The following WDFY3 variants were observed in gnomAD, a reference collection of about 807,000 sequenced individuals.
WDFY3 encodes the protein WD repeat and FYVE domain-containing protein 3.
Under a neutral mutation model 409.6 loss-of-function variants are expected in WDFY3, and 66 were observed. The ratio of observed to expected loss-of-function variants is 0.16; its 90% confidence interval spans 0.13 to 0.20. The LOEUF is 0.20. Among genes scored for constraint, WDFY3 ranks in the 10% least tolerant of loss-of-function variants. WDFY3 has a pLI of 1.00. For synonymous variants in WDFY3, 1,521 were observed against 1,537.1 expected (o/e 0.99, Z 0.25); for missense variants, 3,031 against 4,298.1 (o/e 0.71, Z 8.24).
chr4:84,899,622 C>T (rs752200917), intron 2 of WDFY3, among the ~76,000 whole-genome samples: 2 of 152,148 alleles, frequency 1.3e-5, no homozygotes, highest in Non-Finnish European at 2.9e-5. Flanking sequence ...CATTTACTTA[C>T]GTATTGTCTA....
In WDFY3 at chr4:84,690,123, C is replaced by CA. The variant is rs1729009143; in HGVS notation, c.9363+382dup. ...TATGACAAATGAGAAAAGAGAGAAACAAAAAATAAAGAATTTAGTGGCAGA... is the reference window on the plus strand; with the variant it reads ...TATGACAAATGAGAAAAGAGAGAAACAAAAAAATAAAGAATTTAGTGGCAGA... On this transcript the variant is annotated intron_variant, in intron 61 of 67. Transcript: ENST00000295888. Among the ~76,000 whole-genome samples, 4 of 151,732 alleles carry CA rather than the reference C, an allele frequency of 2.6e-5. No homozygotes were observed. In the South Asian group the frequency reaches 8.3e-4, roughly 32 times the overall value.
chr4:84,846,259 C>T (rs1578790587), intron 5 of WDFY3, among the ~76,000 whole-genome samples: 1 of 151,814 alleles, frequency 6.6e-6, no homozygotes, highest in East Asian at 1.9e-4. Flanking sequence ...TTAAAAAATC[C>T]CTAGTTAATA....
intron 2 of WDFY3, among the ~76,000 whole-genome samples, chr4:84,908,083 C>T (rs1767287227): frequency 6.6e-6 from 1 of 152,124 alleles, no homozygotes; most frequent in Admixed American, 6.6e-5. Context: ...GGATGCCATA[C>T]TCTGAGCTTT....
intron 10 of WDFY3, among the ~76,000 whole-genome samples, chr4:84,822,245 A>G (rs1288572496): frequency 1.3e-5 from 2 of 152,176 alleles, no homozygotes; most frequent in Non-Finnish European, 2.9e-5. Flanking sequence ...AAGTACATGA[A>G]AATAAGCAGC....
chr4:84,831,142 G>A (rs958849424), intron 8 of WDFY3, among the ~76,000 whole-genome samples: 19 of 146,616 alleles, frequency 1.3e-4, no homozygotes, highest in African/African-American at 3.0e-4. Flanking sequence ...AGCCAAGATC[G>A]CGCCACTGCA....
At position 84,770,350 on chromosome 4, in the gene WDFY3, GATACA is replaced by G. The variant is rs144947292; in HGVS notation, c.4849+2480_4849+2484del. ...GCCGAGTTATATACATTTTTTAAAA[GATACA>G]ATGCTACTGCACAGATAGTAGACTA... On this transcript the variant is annotated intron_variant, in intron 30 of 67. Transcript: ENST00000295888. Among the ~76,000 whole-genome samples the G allele has an allele frequency of 2.2e-4, 33 of 152,166 alleles. No homozygotes were observed. In the East Asian group the frequency reaches 6.4e-3, roughly 29 times the overall value.
At chr4:84,751,418 G>T in intron 36 of WDFY3, 65 bp downstream of exon 36, 1 of 1,489,756 alleles carries the variant, frequency 6.7e-7, no homozygotes. Context: ...GAACTTGTTT[G>T]GTTACTAATG....
intron 44 of WDFY3, among the ~76,000 whole-genome samples, chr4:84,727,458 T>A (rs1735844169): frequency 6.6e-6 from 1 of 152,096 alleles, no homozygotes; most frequent in South Asian, 2.1e-4. Flanking sequence ...CTTCACTACC[T>A]TTACCATCCC....
chr4:84,757,324 A>G (rs1434796449), intron 32 of WDFY3, among the ~76,000 whole-genome samples, 163 bp from the exon 33 acceptor site: 1 of 152,218 alleles, frequency 6.6e-6, no homozygotes, highest in Middle Eastern at 3.2e-3. Flanking sequence ...TCTTCAGTTA[A>G]AAGTTTTACT....
intron 9 of WDFY3, among the ~76,000 whole-genome samples, chr4:84,827,814 G>A (rs928037803): frequency 7.2e-5 from 11 of 152,096 alleles, no homozygotes; most frequent in Admixed American, 2.0e-4. Context: ...GGTTAAATTG[G>A]TGTTAGAAAT....
chr4:84,895,188 G>C lies in WDFY3; in HGVS notation c.-32+1723C>G, dbSNP rs72664945. On this transcript the variant is annotated intron_variant, in intron 3 of 67. Coordinates refer to ENST00000295888, the MANE Select transcript of WDFY3 (RefSeq NM_014991.6). Reference sequence around the variant, plus strand: ...ATTCATTTAATAACACTTGTTACATGCAAGTACTCTGCTAGTAACTAGTGA... The same window carrying C: ...ATTCATTTAATAACACTTGTTACATCCAAGTACTCTGCTAGTAACTAGTGA... 4.0e-3 allele frequency among the ~76,000 whole-genome samples: 608 copies of C among 152,202 alleles called. 1 individual carries two copies. The highest frequency in any genetic ancestry group is 5.4e-3 in the Non-Finnish European group (366 of 68,008).
At chr4:84,842,496 A>G (rs539531772) in intron 5 of WDFY3, among the ~76,000 whole-genome samples, 4 of 151,492 alleles carry the variant, frequency 2.6e-5, no homozygotes, top group Admixed American at 2.6e-4. Flanking sequence ...AAAAGAAGTA[A>G]GTCTAATTTG....
At chr4:84,864,168 A>G (rs919118329) in intron 3 of WDFY3, among the ~76,000 whole-genome samples, 2 of 152,058 alleles carry the variant, frequency 1.3e-5, no homozygotes, top group African/African-American at 4.8e-5. Flanking sequence ...GCAATTCAAG[A>G]TGAACCTGGC....
chr4:84,794,841 GA>G (rs780583817), intron 20 of WDFY3, 37 bp downstream of exon 20: 5 of 1,535,600 alleles, frequency 3.3e-6, no homozygotes, highest in Admixed American at 4.5e-5. Context: ...TAATCTACTA[GA>G]AAAAAAACTC....
chr4:84,882,666 T>C (rs1763693928), intron 3 of WDFY3, among the ~76,000 whole-genome samples: 1 of 152,056 alleles, frequency 6.6e-6, no homozygotes, highest in African/African-American at 2.4e-5. Flanking sequence ...CAAAAATTAC[T>C]TGTCAGTGGA....
chr4:84,911,068 A>C (rs1165150469), intron 2 of WDFY3, among the ~76,000 whole-genome samples: 1 of 152,058 alleles, frequency 6.6e-6, no homozygotes, highest in Non-Finnish European at 1.5e-5. Context: ...AAAATAGATA[A>C]ACTGGACTTC....
At chr4:84,711,574 C>T (rs1012470260) in intron 51 of WDFY3, among the ~76,000 whole-genome samples, 5 of 152,010 alleles carry the variant, frequency 3.3e-5, no homozygotes, top group African/African-American at 1.2e-4. Context: ...ATATACAGGC[C>T]AGGCGCAGGG....
chr4:84,804,802 T>C (rs1158516254), intron 15 of WDFY3, among the ~76,000 whole-genome samples: 4 of 152,158 alleles, frequency 2.6e-5, no homozygotes, highest in Non-Finnish European at 5.9e-5. Flanking sequence ...CACATACGCA[T>C]AGATTCTAAT....
At chr4:84,802,434 C>T (rs1454476360) in intron 16 of WDFY3, among the ~76,000 whole-genome samples, 1 of 151,502 alleles carries the variant, frequency 6.6e-6, no homozygotes, top group Non-Finnish European at 1.5e-5. Context: ...TAATTTTTTG[C>T]ATTTTTTGTA....
Sources: allele counts gnomAD v4.1 joint callset (sites outside exome capture counted in the v4.1 genomes callset), GRCh38; gene constraint gnomAD v4.1.1; transcripts MANE v1.5; gene names NCBI Gene and HGNC (gene_info 2026-07-23, HGNC 2026-07-21).